The following FRMD4A variants were observed in gnomAD, a reference collection of about 807,000 sequenced individuals.
The protein encoded by FRMD4A is FERM domain containing 4A.
Under a neutral mutation model 129.1 loss-of-function variants are expected in FRMD4A, and 29 were observed. That is an observed-to-expected ratio of 0.22 (90% CI 0.17 to 0.31). FRMD4A has a LOEUF of 0.31. Among genes scored for constraint, FRMD4A ranks in the 10% least tolerant of loss-of-function variants. FRMD4A has a pLI of 1.00. For synonymous variants in FRMD4A, 634 were observed against 571.6 expected (o/e 1.11, Z -1.56); for missense variants, 1,272 against 1,375.8 (o/e 0.92, Z 1.19).
intron 2 of FRMD4A, among the ~76,000 whole-genome samples, chr10:14,274,460 G>T (rs1339831592): frequency 6.6e-6 from 1 of 152,142 alleles, no homozygotes; most frequent in African/African-American, 2.4e-5. Context: ...GAGAGGTGTG[G>T]TTCGCTCTGA....
rs770139585 is a variant in FRMD4A at position 13,675,040 on chromosome 10, A to C, written c.1122T>G (p.Ser374=). 10 of 1,612,520 alleles carry C rather than the reference A, an allele frequency of 6.2e-6. No homozygotes were observed. The highest frequency in any genetic ancestry group is 7.6e-6 in the Non-Finnish European group (9 of 1,179,932). Residue 374 remains serine, a synonymous_variant, in exon 16 of 25, where the codon TCT becomes TCG. Coordinates refer to ENST00000357447, the MANE Select transcript of FRMD4A (RefSeq NM_018027.5). ...GSSGSLLSSG[S]QESDSSQSAK... ...CCGACTGCGAGCTATCTGATTCCTG[A>C]GAACCTGTCGATAAACAGTGGGGTT...
At chr10:14,195,377 G>A (rs567611711) in intron 2 of FRMD4A, among the ~76,000 whole-genome samples, 1 of 151,720 alleles carries the variant, frequency 6.6e-6, no homozygotes, top group Non-Finnish European at 1.5e-5. Flanking sequence ...ATCTGCCTGA[G>A]ATAGTATATC....
rs1846512410 is a variant in FRMD4A, at chr10:14,310,564, T to C, written c.45+19494A>G. 2.0e-5 allele frequency among the ~76,000 whole-genome samples: 3 copies of C among 152,120 alleles called. No individual in the cohort carries two copies. The South Asian group carries it at 6.2e-4, about 32-fold the overall frequency. On this transcript the variant is annotated intron_variant, in intron 2 of 24. Coordinates refer to ENST00000357447, the MANE Select transcript of FRMD4A (RefSeq NM_018027.5). ...AGCCAGGTATGTTCAACATGGAGGC[T>C]CCATCCTCCCTTTTCTTTGTCACCA...
At chr10:14,037,411 G>A (rs1042096793) in intron 2 of FRMD4A, among the ~76,000 whole-genome samples, 4 of 151,850 alleles carry the variant, frequency 2.6e-5, no homozygotes, top group African/African-American at 9.7e-5. Flanking sequence ...AGAGACGGGG[G>A]TTTGCCATGT....
intron 13 of FRMD4A, among the ~76,000 whole-genome samples, chr10:13,703,359 C>A (rs1230453652): frequency 6.6e-6 from 1 of 152,136 alleles, no homozygotes; most frequent in Non-Finnish European, 1.5e-5. Flanking sequence ...ATTGGCCCAG[C>A]CTGGAGAAGC....
chr10:13,663,563 C>T, intron 18 of FRMD4A, 54 bp from the exon 19 acceptor site: 1 of 905,186 alleles, frequency 1.1e-6, no homozygotes, highest in Non-Finnish European at 1.9e-6. Flanking sequence ...TTCAGCAAAG[C>T]CCTATCTGTA....
intron 2 of FRMD4A, among the ~76,000 whole-genome samples, chr10:14,018,434 C>A (rs558955312): frequency 9.1e-6 from 1 of 109,526 alleles, no homozygotes; most frequent in East Asian, 2.7e-4. Flanking sequence ...CCAGCCTGGG[C>A]GACAATGCAA....
intron 2 of FRMD4A, among the ~76,000 whole-genome samples, chr10:14,068,957 T>A (rs1317388049): frequency 6.6e-6 from 1 of 151,680 alleles, no homozygotes; most frequent in African/African-American, 2.4e-5. Context: ...CTCGAATGTT[T>A]TGTGGGTATA....
intron 2 of FRMD4A, among the ~76,000 whole-genome samples, chr10:14,286,170 A>T (rs1427599866): frequency 6.6e-6 from 1 of 152,146 alleles, no homozygotes; most frequent in African/African-American, 2.4e-5. Flanking sequence ...CCGTAAATGG[A>T]TTTGTGTTTG....
chr10:13,887,366 T>C (rs969209478), intron 2 of FRMD4A, among the ~76,000 whole-genome samples: 11 of 152,194 alleles, frequency 7.2e-5, no homozygotes, highest in Non-Finnish European at 1.5e-4. Flanking sequence ...GGGAGGAAAA[T>C]GCCCAATTTC....
chr10:14,009,662 C>G (rs1170959902), intron 2 of FRMD4A, among the ~76,000 whole-genome samples: 2 of 152,236 alleles, frequency 1.3e-5, no homozygotes, highest in Admixed American at 6.5e-5. Context: ...GGCTGGAAAC[C>G]TGGGTTCAGC....
intron 2 of FRMD4A, among the ~76,000 whole-genome samples, chr10:14,189,253 A>C (rs1314270668): frequency 6.6e-6 from 1 of 152,158 alleles, no homozygotes; most frequent in Non-Finnish European, 1.5e-5. Flanking sequence ...AAATGCAAGA[A>C]TTTGAGGTGG....
chr10:14,024,748 C>T (rs186576269), intron 2 of FRMD4A, among the ~76,000 whole-genome samples: 16 of 152,188 alleles, frequency 1.1e-4, no homozygotes, highest in South Asian at 2.1e-4. Context: ...GCTGGCCAAG[C>T]GCAGAGAACC....
At chr10:13,894,752 C>T (rs1485311194) in intron 2 of FRMD4A, among the ~76,000 whole-genome samples, 1 of 152,224 alleles carries the variant, frequency 6.6e-6, no homozygotes, top group Non-Finnish European at 1.5e-5. Flanking sequence ...GTGACCAGCA[C>T]ATGGGGAATG....
chr10:14,049,014 T>C (rs1188089348), intron 2 of FRMD4A, among the ~76,000 whole-genome samples: 1 of 152,078 alleles, frequency 6.6e-6, no homozygotes, highest in Non-Finnish European at 1.5e-5. Flanking sequence ...CTTGGAAGGA[T>C]TGCAGCCACC....
At chr10:13,812,170 C>T (rs1035671761) in intron 3 of FRMD4A, among the ~76,000 whole-genome samples, 4 of 152,218 alleles carry the variant, frequency 2.6e-5, no homozygotes, top group African/African-American at 9.6e-5. Flanking sequence ...TGAGCCACTG[C>T]ACCTGGCCGA....
intron 15 of FRMD4A, among the ~76,000 whole-genome samples, chr10:13,687,070 C>A (rs565284293): frequency 6.6e-6 from 1 of 152,282 alleles, no homozygotes; most frequent in Non-Finnish European, 1.5e-5. Context: ...GCAGGCAGCT[C>A]ACTTGAGCTC....
At chr10:14,097,103 T>C (rs1837007883) in intron 2 of FRMD4A, 1 of 120,134 alleles carries the variant, frequency 8.3e-6, no homozygotes, top group Non-Finnish European at 1.6e-5. Context: ...GATGGCACCA[T>C]TGCCCTCCAG....
chr10:14,051,869 A>G (rs1385564336), intron 2 of FRMD4A, among the ~76,000 whole-genome samples: 1 of 152,242 alleles, frequency 6.6e-6, no homozygotes, highest in Non-Finnish European at 1.5e-5. Flanking sequence ...TTGCATTTGC[A>G]TGGCATCCTG....
Sources: gnomAD v4.1 joint callset for allele counts (sites outside exome capture counted in the v4.1 genomes callset) on GRCh38, gnomAD v4.1.1 for gene constraint, MANE v1.5 for transcripts, NCBI Gene and HGNC (gene_info 2026-07-23, HGNC 2026-07-21) for gene names.